DACH2: variants seen among roughly 807,000 people sequenced by gnomAD.
DACH2 encodes dachshund family transcription factor 2, also known as dachshund homolog 2.
In DACH2, 17 loss-of-function variants were observed where a neutral mutation model predicts 35.8. That is an observed-to-expected ratio of 0.48 (90% confidence interval 0.33 to 0.71). The LOEUF (loss-of-function observed/expected upper bound fraction) is 0.71. DACH2 is among the 30% of genes least tolerant of loss of function. DACH2 has a pLI of 0.02. For missense variants in DACH2, 469 were observed against 472.7 expected, an observed-to-expected ratio of 0.99 and a Z score of 0.07; for synonymous variants, 195 against 177.3, an observed-to-expected ratio of 1.10 and a Z score of -0.79.
chrX:86,591,975 C>T (rs1351910812), intron 3 of DACH2, among the ~76,000 whole-genome samples: 2 of 111,564 alleles, frequency 1.8e-5, no homozygotes, highest in Admixed American at 1.9e-4. Context: ...TCTTTCCATT[C>T]TTGTAATAAC....
chrX:86,723,710 G>C (rs944884968), intron 6 of DACH2, among the ~76,000 whole-genome samples: 3 of 111,823 alleles, frequency 2.7e-5, no homozygotes, highest in Non-Finnish European at 3.8e-5. Context: ...CTGTGGCCAA[G>C]TATGTGGTCT....
intron 1 of DACH2, among the ~76,000 whole-genome samples, chrX:86,268,954 C>T (rs953768995): frequency 5.4e-5 from 6 of 111,435 alleles, no homozygotes; most frequent in Non-Finnish European, 1.1e-4. Flanking sequence ...TATCCATCCC[C>T]TCAAGAATTT....
At chrX:86,550,380 G>A (rs1047868021) in intron 3 of DACH2, among the ~76,000 whole-genome samples, 1 of 110,958 alleles carries the variant, frequency 9.0e-6, no homozygotes, top group Non-Finnish European at 1.9e-5. Context: ...ATGGCAAGGT[G>A]GTAGAAATGT....
rs1352798030 is a variant in DACH2 at position 86,588,106 on chromosome X, C to T, written c.641-62930C>T. On this transcript the variant is annotated intron_variant, in intron 3 of 11. Coordinates refer to ENST00000373125, the MANE Select transcript of DACH2 (RefSeq NM_053281.3). ...GAGTATGGATAGACAGTTATCCCAG[C>T]ACCATTTATTAAATAGGTAGTCATT... Among the ~76,000 whole-genome samples the T allele has an allele frequency of 3.6e-5, 4 of 111,260 alleles. No individual in the cohort carries two copies. The East Asian group carries it at 1.1e-3, about 32-fold the overall frequency.
intron 2 of DACH2, among the ~76,000 whole-genome samples, chrX:86,482,962 G>A (rs1324186689): frequency 1.0e-5 from 1 of 95,978 alleles, no homozygotes; most frequent in Admixed American, 1.1e-4. Context: ...GACACAGGAA[G>A]GGGAACATCA....
intron 1 of DACH2, among the ~76,000 whole-genome samples, chrX:86,164,959 T>TTC (rs879426103): frequency 6.3e-5 from 7 of 111,202 alleles, no homozygotes; most frequent in Admixed American, 2.9e-4. Flanking sequence ...AGTTTTTTTT[T>TTC]CTAGTTTTGT....
At chrX:86,395,060 C>T (rs540303054) in intron 2 of DACH2, among the ~76,000 whole-genome samples, 1 of 111,850 alleles carries the variant, frequency 8.9e-6, no homozygotes, top group African/African-American at 3.2e-5. Flanking sequence ...TCTAAGTGCA[C>T]ATCTTAGGGA....
At chrX:86,379,496 A>G (rs1331976504) in intron 2 of DACH2, among the ~76,000 whole-genome samples, 2 of 105,821 alleles carry the variant, frequency 1.9e-5, no homozygotes, top group Admixed American at 1.0e-4. Flanking sequence ...TCTCTCTAGG[A>G]AAAAAAAAAG....
intron 1 of DACH2, among the ~76,000 whole-genome samples, chrX:86,286,447 A>G (rs1451381740): frequency 1.8e-5 from 2 of 110,297 alleles, no homozygotes; most frequent in African/African-American, 6.6e-5. Context: ...GTCTATTTAC[A>G]TTCATTGTTA....
chrX:86,597,751 G>A (rs1235789686), intron 3 of DACH2, among the ~76,000 whole-genome samples: 1 of 111,616 alleles, frequency 9.0e-6, no homozygotes, highest in Non-Finnish European at 1.9e-5. Context: ...GTTATTGTAA[G>A]TGGAATATTG....
intron 4 of DACH2, among the ~76,000 whole-genome samples, chrX:86,689,030 A>G (rs898329152): frequency 5.4e-5 from 6 of 112,131 alleles, no homozygotes; most frequent in African/African-American, 1.6e-4. Flanking sequence ...ATTAGCTGCT[A>G]TTATACCTCT....
intron 1 of DACH2, among the ~76,000 whole-genome samples, chrX:86,359,643 G>T (rs2035705933): frequency 9.0e-6 from 1 of 110,922 alleles, no homozygotes. Context: ...CAGCTACTTG[G>T]GAGGCTAAGG....
chrX:86,499,937 C>T lies in DACH2; in HGVS notation c.528-14342C>T, dbSNP rs115658384. Among the ~76,000 whole-genome samples the T allele has an allele frequency of 9.9e-3, 1,104 of 110,977 alleles. 15 individuals carry two copies. The highest frequency in any genetic ancestry group is 0.035 in the African/African-American group (1,064 of 30,507). ...CTGATTTCTGTGGTGTGAATACTGCCGCCATGACCAATTTCAAGCTACCAA... is the reference window on the plus strand; with the variant it reads ...CTGATTTCTGTGGTGTGAATACTGCTGCCATGACCAATTTCAAGCTACCAA... On this transcript the variant is annotated intron_variant, in intron 2 of 11. Coordinates refer to ENST00000373125, the MANE Select transcript of DACH2 (RefSeq NM_053281.3).
At chrX:86,298,539 T>G (rs1265771225) in intron 1 of DACH2, among the ~76,000 whole-genome samples, 6 of 111,804 alleles carry the variant, frequency 5.4e-5, no homozygotes, top group Non-Finnish European at 1.1e-4. Context: ...CTGGGTAAAG[T>G]GCATTTTATG....
chrX:86,290,437 T>C (rs2034257803), intron 1 of DACH2, among the ~76,000 whole-genome samples: 2 of 63,599 alleles, frequency 3.1e-5, no homozygotes, highest in South Asian at 2.3e-3. Context: ...TTAGATCCCA[T>C]TTGTCAATTT....
At chrX:86,391,274 C>T (rs1300811197) in intron 2 of DACH2, among the ~76,000 whole-genome samples, 1 of 61,259 alleles carries the variant, frequency 1.6e-5, no homozygotes, top group Non-Finnish European at 2.7e-5. Flanking sequence ...CAGAGTGAGG[C>T]TCTGTCTTAA....
intron 5 of DACH2, among the ~76,000 whole-genome samples, chrX:86,707,638 C>A (rs1400577504): frequency 9.1e-6 from 1 of 110,336 alleles, no homozygotes; most frequent in Non-Finnish European, 1.9e-5. Context: ...ACACACCGCC[C>A]AGGCGCGGTG....
chrX:86,582,252 G>A (rs1284265333), intron 3 of DACH2, among the ~76,000 whole-genome samples: 4 of 110,997 alleles, frequency 3.6e-5, no homozygotes, highest in Non-Finnish European at 7.6e-5. Flanking sequence ...ACATCAAAAA[G>A]TTAAAAAGAT....
chrX:86,196,530 A>G (rs1324645259), intron 1 of DACH2, among the ~76,000 whole-genome samples: 1 of 107,737 alleles, frequency 9.3e-6, no homozygotes, highest in Non-Finnish European at 1.9e-5. Flanking sequence ...ATCTCTAGTA[A>G]AAATACAAAG....
Sources: gnomAD v4.1 joint callset for allele counts (sites outside exome capture counted in the v4.1 genomes callset) on GRCh38, gnomAD v4.1.1 for gene constraint, MANE v1.5 for transcripts, NCBI Gene and HGNC (gene_info 2026-07-23, HGNC 2026-07-21) for gene names.